EDIL3: variants seen among roughly 807,000 people sequenced by gnomAD.
EDIL3 encodes the protein EGF-like repeat and discoidin I-like domain-containing protein 3.
A neutral mutation model predicts 67.4 loss-of-function variants in EDIL3; 37 were observed. The ratio of observed to expected loss-of-function variants is 0.55; its 90% CI spans 0.42 to 0.72. The LOEUF is 0.72. EDIL3 is among the 30% of genes least tolerant of loss of function. The probability of loss-of-function intolerance (pLI) is 0.00; values close to 1 mark genes in which losing one functional copy is unlikely to be tolerated. For missense variants in EDIL3, 527 were observed against 586.3 expected (o/e 0.90, Z 1.04); for synonymous variants, 195 against 196.3 (o/e 0.99, Z 0.05).
chr5:84,010,812 C>A (rs935744855), intron 9 of EDIL3, among the ~76,000 whole-genome samples: 2 of 152,170 alleles, frequency 1.3e-5, no homozygotes, highest in East Asian at 3.9e-4. Flanking sequence ...TATGTTCAAT[C>A]ACATTCTCCC....
At chr5:84,077,672 C>T (rs1326696878) in intron 6 of EDIL3, among the ~76,000 whole-genome samples, 6 of 152,118 alleles carry the variant, frequency 3.9e-5, no homozygotes, top group Non-Finnish European at 8.8e-5. Flanking sequence ...CCGGGACCCT[C>T]CCCTGACACA....
At chr5:84,071,754 T>C (rs2112246560) in intron 6 of EDIL3, among the ~76,000 whole-genome samples, 1 of 152,288 alleles carries the variant, frequency 6.6e-6, no homozygotes, top group South Asian at 2.1e-4. Context: ...TAGTAAAAAC[T>C]AATTTAAAAG....
At position 84,041,031 on chromosome 5, in the gene EDIL3, T is replaced by A. The variant is rs143006895; in HGVS notation, c.1137+19269A>T. 2.1e-3 allele frequency among the ~76,000 whole-genome samples: 320 copies of A among 151,916 alleles called. 2 individuals carry two copies. The highest frequency in any genetic ancestry group is 7.4e-3 in the African/African-American group (307 of 41,430). On this transcript the variant is annotated intron_variant, in intron 9 of 10. Coordinates refer to ENST00000296591, the MANE Select transcript of EDIL3 (RefSeq NM_005711.5). ...CTGTGGCCCCAGCTACCTGGGAGTCTGAGGTAGGAGGATCGCTTGAGTCCG... is the reference window on the plus strand; with the variant it reads ...CTGTGGCCCCAGCTACCTGGGAGTCAGAGGTAGGAGGATCGCTTGAGTCCG...
At chr5:84,262,838 T>C (rs59986661) in intron 1 of EDIL3, among the ~76,000 whole-genome samples, 1,999 of 151,762 alleles carry the variant, frequency 0.013, 37 homozygotes, top group African/African-American at 0.045. Context: ...GCTCAGCTAA[T>C]TTTTTGTAGT....
At chr5:84,073,146 A>C (rs200272553) in intron 6 of EDIL3, among the ~76,000 whole-genome samples, 1 of 151,966 alleles carries the variant, frequency 6.6e-6, no homozygotes, top group African/African-American at 2.4e-5. Flanking sequence ...AAATTCAACA[A>C]CTCTTCATGC....
intron 3 of EDIL3, among the ~76,000 whole-genome samples, chr5:84,185,245 G>A (rs914995912): frequency 1.1e-4 from 16 of 152,224 alleles, no homozygotes; most frequent in African/African-American, 3.6e-4. Flanking sequence ...CTTCACAGAT[G>A]TAAACGGAAT....
intron 5 of EDIL3, among the ~76,000 whole-genome samples, chr5:84,133,506 C>T (rs1418144698): frequency 2.7e-5 from 4 of 148,034 alleles, no homozygotes; most frequent in Non-Finnish European, 5.9e-5. Context: ...AGTGGTGGTG[C>T]GTGCCTGTAG....
At chr5:83,997,828 A>T (rs1217772356) in intron 9 of EDIL3, among the ~76,000 whole-genome samples, 1 of 152,028 alleles carries the variant, frequency 6.6e-6, no homozygotes, top group Non-Finnish European at 1.5e-5. Context: ...TAACTGGGGG[A>T]GGGAGAATGA....
intron 9 of EDIL3, among the ~76,000 whole-genome samples, chr5:84,008,216 T>C (rs557110643): frequency 1.3e-5 from 2 of 152,244 alleles, no homozygotes; most frequent in Admixed American, 6.5e-5. Context: ...AGATCTAGTA[T>C]TTGATAGCAC....
chr5:84,125,378 C>T (rs964489361), intron 5 of EDIL3, among the ~76,000 whole-genome samples: 8 of 151,850 alleles, frequency 5.3e-5, no homozygotes, highest in Non-Finnish European at 1.0e-4. Flanking sequence ...AGTTTTTAGA[C>T]GATAAGTCAT....
At chr5:83,963,931 AC>A (rs2112130528) in intron 9 of EDIL3, among the ~76,000 whole-genome samples, 1 of 151,360 alleles carries the variant, frequency 6.6e-6, no homozygotes, top group South Asian at 2.1e-4. Flanking sequence ...TCCAGTGAAA[AC>A]CCCCTTTTAG....
chr5:84,314,210 A>C (rs1746464768), intron 1 of EDIL3, among the ~76,000 whole-genome samples: 1 of 152,088 alleles, frequency 6.6e-6, no homozygotes, highest in Non-Finnish European at 1.5e-5. Context: ...AAAAGAAAAA[A>C]AGAAAGAAAG....
At chr5:84,310,151 T>C (rs1254251211) in intron 1 of EDIL3, among the ~76,000 whole-genome samples, 1 of 152,238 alleles carries the variant, frequency 6.6e-6, no homozygotes, top group Non-Finnish European at 1.5e-5. Flanking sequence ...AGTCATTCTC[T>C]TGACAAAATA....
At chr5:84,264,438 T>C (rs1745305654) in intron 1 of EDIL3, among the ~76,000 whole-genome samples, 1 of 152,044 alleles carries the variant, frequency 6.6e-6, no homozygotes, top group Admixed American at 6.6e-5. Context: ...ACACAAGAAC[T>C]TAAAATGTCA....
At chr5:84,076,936 C>G (rs947693149) in intron 6 of EDIL3, among the ~76,000 whole-genome samples, 2 of 152,202 alleles carry the variant, frequency 1.3e-5, no homozygotes, top group Non-Finnish European at 2.9e-5. Context: ...ACAATGGTCA[C>G]ATTTCAGTAC....
intron 10 of EDIL3, among the ~76,000 whole-genome samples, chr5:83,953,612 ACTTTAC>A (rs1744456957): frequency 6.6e-6 from 1 of 151,788 alleles, no homozygotes; most frequent in Non-Finnish European, 1.5e-5. Flanking sequence ...GTTGTTTCTA[ACTTTAC>A]TGGAAATGAG....
intron 4 of EDIL3, among the ~76,000 whole-genome samples, chr5:84,172,118 G>A (rs193295100): frequency 5.9e-5 from 9 of 152,202 alleles, no homozygotes; most frequent in Admixed American, 2.0e-4. Context: ...CACACTGACC[G>A]GCAAAGCCAT....
chr5:84,014,667 CA>C (rs1745570055), intron 9 of EDIL3, among the ~76,000 whole-genome samples: 1 of 151,512 alleles, frequency 6.6e-6, no homozygotes, highest in South Asian at 2.1e-4. Context: ...AACAAACAAA[CA>C]AAAAGTCTTT....
chr5:84,075,150 A>G (rs1247936431), intron 6 of EDIL3, among the ~76,000 whole-genome samples: 4 of 151,776 alleles, frequency 2.6e-5, no homozygotes, highest in African/African-American at 9.7e-5. Context: ...ATTGAACAAT[A>G]AGAACACATG....
Sources: allele counts gnomAD v4.1 joint callset (sites outside exome capture counted in the v4.1 genomes callset), GRCh38; gene constraint gnomAD v4.1.1; transcripts MANE v1.5; gene names NCBI Gene and HGNC (gene_info 2026-07-23, HGNC 2026-07-21).